The following BPIFA3 variants were observed in gnomAD, a reference collection of about 807,000 sequenced individuals.
BPIFA3 encodes BPI fold-containing family A member 3.
BPIFA3 carries 32 observed loss-of-function variants against 29.7 expected under a neutral mutation model. The observed-to-expected ratio is 1.08, with a 90% CI of 0.81 to 1.45. The LOEUF (loss-of-function observed/expected upper bound fraction) is 1.45, where lower values mean the gene tolerates loss of function less well. BPIFA3 is among the 40% of genes most tolerant of loss of function. BPIFA3 has a pLI of 0.00. For synonymous variants in BPIFA3, 112 were observed against 113.7 expected, an observed-to-expected ratio of 0.98 and a Z score of 0.10; for missense variants, 323 against 311.3, an observed-to-expected ratio of 1.04 and a Z score of -0.28.
At chr20:33,223,725 C>T (rs1334364780) in intron 1 of BPIFA3, 86 bp from the exon 2 acceptor site, 4 of 1,474,738 alleles carry the variant, frequency 2.7e-6, no homozygotes, top group Non-Finnish European at 3.7e-6. Flanking sequence ...GATCTTGCAC[C>T]AGCCTGCAAC....
chr20:33,225,077 C>T, intron 3 of BPIFA3, 21 bp from the exon 4 acceptor site: 2 of 1,611,640 alleles, frequency 1.2e-6, no homozygotes, highest in Non-Finnish European at 8.5e-7. Flanking sequence ...GCCCTTCCTC[C>T]TCTTCCTCTC....
At chr20:33,224,031 T>A in intron 2 of BPIFA3, 70 bp downstream of exon 2, 4 of 1,556,158 alleles carry the variant, frequency 2.6e-6, no homozygotes, top group Non-Finnish European at 3.5e-6. Flanking sequence ...GTAGAGCTGA[T>A]GGGGGGCTGG....
At chr20:33,224,756 C>A (rs1273224394) in intron 3 of BPIFA3, among the ~76,000 whole-genome samples, 4 of 152,196 alleles carry the variant, frequency 2.6e-5, no homozygotes, top group African/African-American at 7.2e-5. Context: ...CATCTCATCG[C>A]CCCTGCTCAC....
At chr20:33,223,985 G>A in intron 2 of BPIFA3, 24 bp downstream of exon 2, 1 of 1,611,886 alleles carries the variant, frequency 6.2e-7, no homozygotes, top group South Asian at 1.1e-5. Context: ...TTCTATCCGT[G>A]GCCCTGGAAC....
At position 33,225,174 on chromosome 20, in the gene BPIFA3, T is replaced by C; in HGVS notation, c.463T>C (p.Phe155Leu). Residue 155 changes from phenylalanine (F) to leucine (L), a missense_variant, in exon 4 of 7, where the codon TTT (phenylalanine) becomes CTT (leucine). By Grantham distance (22) the Phe-to-Leu change is conservative. Coordinates refer to ENST00000375454, the MANE Select transcript of BPIFA3 (RefSeq NM_178466.5). ...VVEFWLEKDE[F>L]GRRDLVIGKC... ...GGAGTTCTGGCTGGAGAAAGACGAGTTTGGCCGGAGGGATCTGGTGATAGG... is the reference window on the plus strand; with the variant it reads ...GGAGTTCTGGCTGGAGAAAGACGAGCTTGGCCGGAGGGATCTGGTGATAGG... The C allele has an allele frequency of 6.2e-7, 1 of 1,614,078 alleles. No homozygotes were observed. Among genetic ancestry groups the C allele is most frequent in the South Asian group, 1.1e-5 (1 of 91,074 alleles).
At chr20:33,224,054 C>G in intron 2 of BPIFA3, 93 bp downstream of exon 2, 3 of 1,474,074 alleles carry the variant, frequency 2.0e-6, no homozygotes, top group Non-Finnish European at 1.8e-6. Flanking sequence ...AGGTGCAAGG[C>G]CTGTGAAGAG....
rs544131759 is a variant in BPIFA3 at position 33,227,286 on chromosome 20, C to T, written c.686-252C>T. ...ACCCAATCCAGTAGGGAACACTGGC[C>T]CCATCCCAAACCTGAGACCATCTCT... On this transcript the variant is annotated intron_variant, in intron 6 of 6. Transcript: ENST00000375454. Among the ~76,000 whole-genome samples, 45 of 152,268 alleles carry T rather than the reference C, an allele frequency of 3.0e-4. 1 individual carries two copies. In the South Asian group the frequency reaches 8.7e-3, roughly 29 times the overall value.
At chr20:33,226,784 G>C in intron 5 of BPIFA3, 146 bp from the exon 6 acceptor site, 1 of 810,124 alleles carries the variant, frequency 1.2e-6, no homozygotes, top group Non-Finnish European at 2.0e-6. Context: ...CACTGAGCAG[G>C]TAGTTGGCGC....
chr20:33,222,036 G>T (rs7345834), intron 1 of BPIFA3, among the ~76,000 whole-genome samples: 3 of 152,146 alleles, frequency 2.0e-5, no homozygotes, highest in Admixed American at 6.5e-5. Context: ...GTAGGGTCAA[G>T]GCAGTGAAAC....
chr20:33,223,941 CCAGCAG>C lies in BPIFA3; in HGVS notation c.264_269del (p.Gln89_Gln90del), dbSNP rs1568624216. On this transcript the variant is annotated inframe_deletion, in exon 2 of 7. Transcript: ENST00000375454. ...GCTGGCTAATCAGCGGCAGGAAACA[CCAGCAG>C]CAGCAAGAGAGCAGGTGAGACCCTG... is the stretch of plus-strand genomic sequence containing the variant. The C allele has an allele frequency of 6.2e-7, 1 of 1,614,114 alleles. No homozygotes were observed. The highest frequency in any genetic ancestry group is 1.7e-5 in the Admixed American group (1 of 60,032).
In BPIFA3 at chr20:33,217,417, G is replaced by T; in HGVS notation, c.-120G>T. ...AGCCCCTCCCCACAGCATGCTGGGG[G>T]CTAATTCTGATGTCATCTTTCTGCA... On this transcript the variant is annotated 5_prime_UTR_variant, in exon 1 of 7. Transcript: ENST00000375454. 1 of 1,315,484 alleles carries T rather than the reference G, an allele frequency of 7.6e-7. No homozygotes were observed. The highest frequency in any genetic ancestry group is 1.0e-6 in the Non-Finnish European group (1 of 970,976). 81.5% of individuals were successfully genotyped at this position (1,315,484 alleles called of 1,614,324 possible).
intron 1 of BPIFA3, among the ~76,000 whole-genome samples, chr20:33,220,721 C>T (rs1029330547): frequency 3.9e-5 from 6 of 152,196 alleles, no homozygotes; most frequent in African/African-American, 1.4e-4. Context: ...TTGCTGACCT[C>T]TTATATTTTT....
At chr20:33,226,373 T>C in intron 4 of BPIFA3, 33 bp from the exon 5 acceptor site, 1 of 1,486,000 alleles carries the variant, frequency 6.7e-7, no homozygotes, top group Non-Finnish European at 9.4e-7. Flanking sequence ...TGGATTGCTC[T>C]GTTCTGTTCT....
At chr20:33,226,744 G>A (rs867684387) in intron 5 of BPIFA3, 186 bp from the exon 6 acceptor site, 2 of 672,566 alleles carry the variant, frequency 3.0e-6, no homozygotes, top group African/African-American at 3.6e-5. Context: ...GAGGATTTGT[G>A]GAGACAAAGC....
At chr20:33,220,227 T>A (rs941554833) in intron 1 of BPIFA3, among the ~76,000 whole-genome samples, 1 of 150,956 alleles carries the variant, frequency 6.6e-6, no homozygotes, top group Non-Finnish European at 1.5e-5. Context: ...TGAAATCCCA[T>A]CTCTACTAAA....
intron 2 of BPIFA3, 67 bp downstream of exon 2, chr20:33,224,028 T>A: frequency 6.4e-7 from 1 of 1,571,358 alleles, no homozygotes. Flanking sequence ...AGGGTAGAGC[T>A]GATGGGGGGC....
chr20:33,220,000 T>A (rs56165318), intron 1 of BPIFA3, among the ~76,000 whole-genome samples: 2,264 of 151,788 alleles, frequency 0.015, 56 homozygotes, highest in African/African-American at 0.052. Flanking sequence ...CTTGGGAGGC[T>A]GAGGTGGGAG....
intron 1 of BPIFA3, among the ~76,000 whole-genome samples, chr20:33,220,378 AC>A (rs1279511487): frequency 1.3e-5 from 2 of 152,042 alleles, no homozygotes; most frequent in Non-Finnish European, 2.9e-5. Flanking sequence ...AGCCTGGGGG[AC>A]AGAGCAAGAC....
chr20:33,224,252 G>A (rs1985667816), intron 2 of BPIFA3, 103 bp from the exon 3 acceptor site: 1 of 986,778 alleles, frequency 1.0e-6, no homozygotes, highest in Non-Finnish European at 1.5e-6. Flanking sequence ...AAATCCCATT[G>A]CCAGGCCCTC....
Sources: allele counts gnomAD v4.1 joint callset (sites outside exome capture counted in the v4.1 genomes callset), GRCh38; gene constraint gnomAD v4.1.1; transcripts MANE v1.5; gene names NCBI Gene and HGNC (gene_info 2026-07-23, HGNC 2026-07-21).